The following FXYD3 variants were observed in gnomAD, a reference collection of about 807,000 sequenced individuals.
FXYD3 encodes the protein FXYD domain-containing ion transport regulator 3.
Under a neutral mutation model 19.2 loss-of-function variants are expected in FXYD3, and 13 were observed. The observed-to-expected ratio is 0.68, with a 90% CI of 0.44 to 1.08. The LOEUF (loss-of-function observed/expected upper bound fraction) is 1.08. Among genes scored for constraint, FXYD3 ranks in the 50% least tolerant of loss-of-function variants. The pLI, the probability that FXYD3 is intolerant of heterozygous loss-of-function variation, is 0.00. For synonymous variants in FXYD3, 48 were observed against 38.9 expected, an observed-to-expected ratio of 1.23 and a Z score of -0.87; for missense variants, 101 against 109.4, an observed-to-expected ratio of 0.92 and a Z score of 0.34.
In FXYD3 at chr19:35,116,306, G is replaced by T. The variant is rs1030838943; in HGVS notation, c.-68G>T. The stretch of plus-strand genomic sequence containing the variant: ...CAGCTTCGGATAAACGCAGGACTCC[G>T]CCTGGCAGCCCGATTTCTCCCGGAA... On this transcript the variant is annotated 5_prime_UTR_variant, in exon 2 of 9. Transcript: ENST00000604404. 1 of 985,336 alleles carries T rather than the reference G, an allele frequency of 1.0e-6. No individual in the cohort carries two copies. Among genetic ancestry groups the T allele is most frequent in the East Asian group, 1.1e-4 (1 of 8,828 alleles). 61.0% of individuals were successfully genotyped at this position (985,336 alleles called of 1,614,324 possible).
intron 2 of FXYD3, 161 bp from the exon 3 acceptor site, chr19:35,119,202 A>T (rs1417421551): frequency 3.2e-6 from 5 of 1,576,012 alleles, no homozygotes; most frequent in Admixed American, 3.7e-5. Flanking sequence ...TCCACGGTGC[A>T]GCTGCGGCTT....
At chr19:35,123,383 C>A (rs1278670388) in intron 8 of FXYD3, 58 bp from the exon 9 acceptor site, 3 of 1,613,154 alleles carry the variant, frequency 1.9e-6, no homozygotes, top group Admixed American at 1.7e-5. Flanking sequence ...TGTGTTTGCA[C>A]ACTGGAAAGA....
intron 2 of FXYD3, chr19:35,118,740 CCT>C (rs1222359041): frequency 7.3e-6 from 2 of 272,330 alleles, no homozygotes; most frequent in African/African-American, 4.5e-5. Flanking sequence ...GTAGAGTCCC[CCT>C]CTACCCCCAG....
intron 3 of FXYD3, among the ~76,000 whole-genome samples, chr19:35,120,785 G>T (rs558180706): frequency 3.9e-4 from 59 of 152,324 alleles, no homozygotes; most frequent in African/African-American, 1.4e-3. Context: ...GCTGCAGGAG[G>T]CATGGATTAA....
intron 2 of FXYD3, chr19:35,119,146 A>G (rs377069678): frequency 1.0e-5 from 16 of 1,534,122 alleles, no homozygotes; most frequent in Non-Finnish European, 1.4e-5. Context: ...CCAGTGAGTT[A>G]TTATGGCTCC....
chr19:35,116,600 T>C, intron 2 of FXYD3: 1 of 985,070 alleles, frequency 1.0e-6, no homozygotes, highest in Non-Finnish European at 1.2e-6. Context: ...GACTGATAAG[T>C]GTGGTTGGGG....
rs62120434 is a variant in FXYD3 at position 35,119,384 on chromosome 19, A to G, written c.8A>G (p.Lys3Arg). The change falls in exon 3 of 9, where the codon AAG (lysine) becomes AGG (arginine). Residue 3 changes from lysine to arginine, a missense_variant. Transcript: ENST00000604404. ...CTAGGCCAGCGCTCTGACATGCAGAAGGTGACCCTGGGCCTGCTTGTGTTC... is the reference window on the plus strand; with the variant it reads ...CTAGGCCAGCGCTCTGACATGCAGAGGGTGACCCTGGGCCTGCTTGTGTTC... MQ[K>R]VTLGLLVFLA... 21,867 of 1,614,112 alleles carry G rather than the reference A, an allele frequency of 0.014. 214 individuals carry two copies. The highest frequency in any genetic ancestry group is 0.028 in the South Asian group (2,532 of 91,070).
Position 35,121,216 on chromosome 19 carries a change from T to G in FXYD3, c.74-6T>G. 2 of 1,614,094 alleles carry G rather than the reference T, an allele frequency of 1.2e-6. No homozygotes were observed. The highest frequency in any genetic ancestry group is 1.7e-6 in the Non-Finnish European group (2 of 1,179,964). On this transcript the variant is annotated splice_region_variant and splice_polypyrimidine_tract_variant and intron_variant, in intron 4 of 8. Transcript: ENST00000604404. ...TGGATTCATGATCTTTTTTCTTTCCTTGCAGATAAAAACAGTCCTTTCTAC... is the reference window on the plus strand; with the variant it reads ...TGGATTCATGATCTTTTTTCTTTCCGTGCAGATAAAAACAGTCCTTTCTAC...
chr19:35,117,116 C>T (rs999349817), intron 2 of FXYD3: 2 of 1,321,742 alleles, frequency 1.5e-6, no homozygotes, highest in African/African-American at 3.1e-5. Flanking sequence ...GCCTTCCTCT[C>T]TAACCTGCTC....
At chr19:35,118,428 G>A (rs1296801787) in intron 2 of FXYD3, 2 of 981,598 alleles carry the variant, frequency 2.0e-6, no homozygotes, top group South Asian at 4.7e-5. Context: ...GCAGGGACAG[G>A]GCAGGGGAGG....
At chr19:35,120,772 G>A (rs541567240) in intron 3 of FXYD3, among the ~76,000 whole-genome samples, 3 of 152,318 alleles carry the variant, frequency 2.0e-5, no homozygotes, top group South Asian at 2.1e-4. Flanking sequence ...AAAGTCCCCC[G>A]CTGCTGCAGG....
At chr19:35,121,595 A>G in intron 5 of FXYD3, 1 of 1,319,862 alleles carries the variant, frequency 7.6e-7, no homozygotes, top group African/African-American at 1.5e-5. Flanking sequence ...CCAGGTTCCA[A>G]TGACCTGCTC....
Position 35,123,316 on chromosome 19 carries a change from G to A in FXYD3, c.247+8G>A, listed in dbSNP as rs1241669973. ...CACCTCTCATCACCCCAGGTAAGAT[G>A]GGGCAGCATGGGGCTCAGGGGAACA... On this transcript the variant is annotated splice_region_variant and intron_variant, in intron 8 of 8. Transcript: ENST00000604404. 1 of 1,610,946 alleles carries A rather than the reference G, an allele frequency of 6.2e-7. No homozygotes were observed. Among genetic ancestry groups the A allele is most frequent in the South Asian group, 1.1e-5 (1 of 90,438 alleles).
intron 2 of FXYD3, chr19:35,118,608 A>G: frequency 1.0e-6 from 1 of 997,918 alleles, no homozygotes; most frequent in African/African-American, 1.7e-5. Flanking sequence ...GGGTAGGGTC[A>G]GGGGCTGGGC....
Position 35,121,117 on chromosome 19 carries a change from C to T in FXYD3, c.73+7C>T. On this transcript the variant is annotated splice_region_variant and intron_variant, in intron 4 of 8. Transcript: ENST00000604404. ...GACGCCAATGACCTAGAAGGTGAGT[C>T]AGACTGGACTCTCACCCGTCACACC... 1 of 1,613,656 alleles carries T rather than the reference C, an allele frequency of 6.2e-7. No homozygotes were observed.
At chr19:35,123,349 G>GGTGTGTGT (rs71167516) in intron 8 of FXYD3, 41 bp downstream of exon 8, 3 of 1,485,642 alleles carry the variant, frequency 2.0e-6, no homozygotes, top group African/African-American at 2.8e-5. Context: ...ACACGGAAGT[G>GGTGTGTGT]GTGTGTGTGT....
chr19:35,122,865 G>T, intron 6 of FXYD3, 26 bp downstream of exon 6: 1 of 1,613,926 alleles, frequency 6.2e-7, no homozygotes, highest in Admixed American at 1.7e-5. Context: ...CGGGGGAGCA[G>T]GCGGGCCGGG....
At position 35,116,357 on chromosome 19, in the gene FXYD3, C is replaced by T. The variant is rs980434656; in HGVS notation, c.-17C>T. On this transcript the variant is annotated splice_region_variant and 5_prime_UTR_variant, in exon 2 of 9. Transcript: ENST00000604404. ...CCTCTGCTCAGCCTGGTGAACCACA[C>T]AGGTGAGCAGCTGGGGCCCCTTCCT... 7.5e-5 allele frequency: 74 copies of T among 985,386 alleles called. No homozygotes were observed. Among genetic ancestry groups the T allele is most frequent in the Non-Finnish European group, 8.8e-5 (73 of 829,990 alleles). The allele number at this position is 985,386 out of a possible 1,614,324, so 61.0% of individuals were successfully genotyped here.
In FXYD3 at chr19:35,123,568, C is replaced by T. The variant is rs2065100094; in HGVS notation, c.*111C>T. 1 of 1,134,586 alleles carries T rather than the reference C, an allele frequency of 8.8e-7. No homozygotes were observed. The allele number at this position is 1,134,586 out of a possible 1,614,324, so 70.3% of individuals were successfully genotyped here. On this transcript the variant is annotated 3_prime_UTR_variant, in exon 9 of 9. Coordinates refer to ENST00000604404, the MANE Select transcript of FXYD3 (RefSeq NM_005971.4). ...GAATTCTTCCTCCTCTGCTGGGACT[C>T]CTTTGCATGGCAGGGCCTCATCTCA...
Sources: allele counts gnomAD v4.1 joint callset (sites outside exome capture counted in the v4.1 genomes callset), GRCh38; gene constraint gnomAD v4.1.1; transcripts MANE v1.5; gene names NCBI Gene and HGNC (gene_info 2026-07-23, HGNC 2026-07-21).